The following MMP9 variants were observed in gnomAD, a reference collection of about 807,000 sequenced individuals.
The protein encoded by MMP9 is matrix metallopeptidase 9.
MMP9 carries 73 observed loss-of-function variants against 76.4 expected under a neutral mutation model. That is an observed-to-expected ratio of 0.96 (90% CI 0.79 to 1.16). MMP9 has a LOEUF of 1.16. Among genes scored for constraint, MMP9 ranks in the 50% most tolerant of loss-of-function variants. MMP9 has a pLI of 0.00. For missense variants in MMP9, 943 were observed against 973.0 expected (o/e 0.97, Z 0.41); for synonymous variants, 412 against 408.4 (o/e 1.01, Z -0.11).
chr20:46,016,126 G>A (rs2145458607), intron 12 of MMP9, 124 bp from the exon 13 acceptor site: 2 of 935,462 alleles, frequency 2.1e-6, no homozygotes, highest in East Asian at 4.8e-5. Flanking sequence ...GGATGGAGGT[G>A]ATATGTGAAA....
intron 6 of MMP9, 69 bp from the exon 7 acceptor site, chr20:46,012,068 G>T: frequency 6.3e-7 from 1 of 1,585,302 alleles, no homozygotes; most frequent in Non-Finnish European, 8.6e-7. Flanking sequence ...TTAGCTCCCT[G>T]TCGGGTCGGC....
rs1482177109 is a variant in MMP9, at chr20:46,011,364, T to C, written c.823+48T>C. On this transcript the variant is annotated intron_variant, in intron 5 of 12. Transcript: ENST00000372330. Reference sequence around the variant, plus strand: ...GGCTGGGGGCGCCCACCACCCTTGATGGTCCTGGGTTCTAATTCCAGCTCT... The same window carrying C: ...GGCTGGGGGCGCCCACCACCCTTGACGGTCCTGGGTTCTAATTCCAGCTCT... 5.0e-6 allele frequency: 8 copies of C among 1,589,054 alleles called. No homozygotes were observed. In the African/African-American group the frequency reaches 5.4e-5, roughly 11 times the overall value.
At position 46,008,978 on chromosome 20, in the gene MMP9, T is replaced by G. The variant is rs1389114921; in HGVS notation, c.52T>G (p.Phe18Val). 6.2e-7 allele frequency: 1 copy of G among 1,613,844 alleles called. No individual in the cohort carries two copies. The highest frequency in any genetic ancestry group is 8.5e-7 in the Non-Finnish European group (1 of 1,179,964). ...VLVLLVLGCC[F>V]AAPRQRQSTL... is the part of the protein sequence containing the mutation. ...GGTGCTCCTGGTGCTGGGCTGCTGCTTTGCTGCCCCCAGACAGCGCCAGTC... is the reference window on the plus strand; with the variant it reads ...GGTGCTCCTGGTGCTGGGCTGCTGCGTTGCTGCCCCCAGACAGCGCCAGTC... The change falls in exon 1 of 13, where the codon TTT becomes GTT. Residue 18 changes from phenylalanine to valine, a missense_variant. Phe to Val is a conservative substitution (Grantham distance 50). Coordinates refer to ENST00000372330, the MANE Select transcript of MMP9 (RefSeq NM_004994.3).
In MMP9 at chr20:46,013,582, G is replaced by C; in HGVS notation, c.1610+48G>C. The C allele has an allele frequency of 6.2e-7, 1 of 1,611,098 alleles. No homozygotes were observed. Among genetic ancestry groups the C allele is most frequent in the Non-Finnish European group, 8.5e-7 (1 of 1,178,068 alleles). On this transcript the variant is annotated intron_variant, in intron 9 of 12. Coordinates refer to ENST00000372330, the MANE Select transcript of MMP9 (RefSeq NM_004994.3). This position sits in a 1 kb window ranked among gnomAD's most constrained non-coding sequence, Gnocchi z 4.5. ...ATGCGGGAGGGGGCTTTGCGGAGGGGCTGCCCGTCCCTTCCCGCCCACTGG... is the reference window on the plus strand; with the variant it reads ...ATGCGGGAGGGGGCTTTGCGGAGGGCCTGCCCGTCCCTTCCCGCCCACTGG...
Position 46,013,807 on chromosome 20 carries a change from T to C in MMP9, c.1750+11T>C. ...TTTTCTTCTTCTCTGGTTAGTTACC[T>C]ACTTTCCCTCCCCCGCCCGGTCAAT... is the stretch of plus-strand genomic sequence containing the variant. On this transcript the variant is annotated intron_variant, in intron 10 of 12. Transcript: ENST00000372330. The surrounding 1 kb of genome is among the most constrained non-coding windows in gnomAD (Gnocchi z 4.5). The C allele has an allele frequency of 4.3e-6, 7 of 1,612,060 alleles. No homozygotes were observed. Among genetic ancestry groups the C allele is most frequent in the Non-Finnish European group, 5.9e-6 (7 of 1,179,872 alleles).
At chr20:46,009,750 CGAAAAA>C (rs1272565099) in intron 1 of MMP9, 110 bp from the exon 2 acceptor site, 6 of 943,952 alleles carry the variant, frequency 6.4e-6, no homozygotes, top group African/African-American at 1.6e-5. Flanking sequence ...ACCGTCTCTC[CGAAAAA>C]GAAAAAGAAA....
chr20:46,009,924 C>T lies in MMP9; in HGVS notation c.197C>T (p.Ser66Phe). 6.4e-7 allele frequency: 1 copy of T among 1,552,316 alleles called. No individual in the cohort carries two copies. Among genetic ancestry groups the T allele is most frequent in the East Asian group, 2.4e-5 (1 of 40,956 alleles). Reference protein sequence around the residue: ...RVAEMRGESKSLGPALLLLQK... With the variant: ...RVAEMRGESKFLGPALLLLQK... ...GCAGAGATGCGTGGAGAGTCGAAAT[C>T]TCTGGGGCCTGCGCTGCTGCTTCTC... The change falls in exon 2 of 13, where the codon TCT becomes TTT. Residue 66 changes from serine to phenylalanine, a missense_variant. By Grantham distance (155) the Ser-to-Phe change is radical. Coordinates refer to ENST00000372330, the MANE Select transcript of MMP9 (RefSeq NM_004994.3).
At chr20:46,010,119 C>G in intron 2 of MMP9, 21 bp downstream of exon 2, 1 of 1,519,034 alleles carries the variant, frequency 6.6e-7, no homozygotes, top group Non-Finnish European at 8.9e-7. Flanking sequence ...GCCGTGGGGG[C>G]AGCGGGGTGG....
In MMP9 at chr20:46,012,602, GGGA is replaced by G. The variant is rs774060347; in HGVS notation, c.1330+29_1330+31del. 15 of 1,612,650 alleles carry G rather than the reference GGGA, an allele frequency of 9.3e-6. No individual in the cohort carries two copies. The highest frequency in any genetic ancestry group is 2.2e-5 in the East Asian group (1 of 44,874). Reference sequence around the variant, plus strand: ...TCTATGGTGAGGCAGGGGCAGGGATGGGAGGAGGAGGGGAAAGGGCGTGGCTGT... The same window carrying G: ...TCTATGGTGAGGCAGGGGCAGGGATGGGAGGAGGGGAAAGGGCGTGGCTGT... On this transcript the variant is annotated intron_variant, in intron 8 of 12. Coordinates refer to ENST00000372330, the MANE Select transcript of MMP9 (RefSeq NM_004994.3).
At position 46,016,285 on chromosome 20, in the gene MMP9, C is replaced by A; in HGVS notation, c.2041C>A (p.Arg681Ser). 6.2e-7 allele frequency: 1 copy of A among 1,614,228 alleles called. No individual in the cohort carries two copies. The highest frequency in any genetic ancestry group is 8.5e-7 in the Non-Finnish European group (1 of 1,180,042). The change falls in exon 13 of 13, where the codon CGC (arginine) becomes AGC (serine). Residue 681 changes from arginine to serine, a missense_variant. Arg to Ser is a moderately radical substitution (Grantham distance 110, BLOSUM62 -1). Transcript: ENST00000372330. ...TTTCTGCCAGGACCGCTTCTACTGGCGCGTGAGTTCCCGGAGTGAGTTGAA... is the reference window on the plus strand; with the variant it reads ...TTTCTGCCAGGACCGCTTCTACTGGAGCGTGAGTTCCCGGAGTGAGTTGAA... ...AYFCQDRFYWRVSSRSELNQV... is the reference protein window; with the variant it reads ...AYFCQDRFYWSVSSRSELNQV...
intron 6 of MMP9, 34 bp from the exon 7 acceptor site, chr20:46,012,103 C>G (rs897686192): frequency 6.2e-7 from 1 of 1,610,586 alleles, no homozygotes. Flanking sequence ...TGGACTCATC[C>G]ATCTGGCTCA....
intron 11 of MMP9, 42 bp downstream of exon 11, chr20:46,014,316 C>T (rs891320306): frequency 2.0e-6 from 3 of 1,538,314 alleles, no homozygotes; most frequent in Non-Finnish European, 2.6e-6. Flanking sequence ...GCCCGGGCGC[C>T]GTCGGTCCGT....
In MMP9 at chr20:46,012,539, C is replaced by T; in HGVS notation, c.1287C>T (p.Pro429=). ...MYPMYRFTEG[P]PLHKDDVNGI... ...CTATGTACCGCTTCACTGAGGGGCC[C>T]CCCTTGCATAAGGACGACGTGAATG... The change falls in exon 8 of 13, where the codon CCC becomes CCT. Residue 429 remains proline (P), a synonymous_variant. Transcript: ENST00000372330. The T allele has an allele frequency of 1.2e-6, 2 of 1,614,072 alleles. No individual in the cohort carries two copies. Among genetic ancestry groups the T allele is most frequent in the Non-Finnish European group, 1.7e-6 (2 of 1,180,040 alleles).
chr20:46,012,422 T>G lies in MMP9; in HGVS notation c.1175-5T>G, dbSNP rs1204875290. 2.5e-6 allele frequency: 4 copies of G among 1,614,022 alleles called. No individual in the cohort carries two copies. Among genetic ancestry groups the G allele is most frequent in the Non-Finnish European group, 3.4e-6 (4 of 1,179,934 alleles). On this transcript the variant is annotated splice_polypyrimidine_tract_variant and splice_region_variant and intron_variant, in intron 7 of 12. Coordinates refer to ENST00000372330, the MANE Select transcript of MMP9 (RefSeq NM_004994.3). ...GCTCACGTCTCAGGCTCCCTCTCCC[T>G]CCAGGATACAGTTTGTTCCTCGTGG...
At chr20:46,010,337 A>AAAAAAAC in intron 2 of MMP9, 146 bp from the exon 3 acceptor site, 1 of 898,478 alleles carries the variant, frequency 1.1e-6, no homozygotes, top group Non-Finnish European at 1.7e-6. Context: ...AAAAAAAAAA[A>AAAAAAAC]AAAACAGTCT....
At chr20:46,009,815 G>A (rs369950965) in intron 1 of MMP9, 51 bp from the exon 2 acceptor site, 1 of 1,495,482 alleles carries the variant, frequency 6.7e-7, no homozygotes, top group Non-Finnish European at 9.1e-7. Flanking sequence ...GCCCCAGCTG[G>A]GCAGAGAAAG....
chr20:46,012,303 C>T lies in MMP9; in HGVS notation c.1164C>T (p.Cys388=), dbSNP rs1271266569. 11 of 1,613,364 alleles carry T rather than the reference C, an allele frequency of 6.8e-6. No individual in the cohort carries two copies. The highest frequency in any genetic ancestry group is 1.7e-5 in the Admixed American group (1 of 60,032). The change falls in exon 7 of 13, where the codon TGC becomes TGT. Residue 388 remains cysteine (C), a synonymous_variant. Transcript: ENST00000372330. ...NFDSDKKWGF[C]PDQGYSLFLV... is the part of the protein sequence containing the mutation. Reference sequence around the variant, plus strand: ...ACAGCGACAAGAAGTGGGGCTTCTGCCCGGACCAAGGTAGGCGTGGTCCCG... The same window carrying T: ...ACAGCGACAAGAAGTGGGGCTTCTGTCCGGACCAAGGTAGGCGTGGTCCCG...
rs769316745 is a variant in MMP9, at chr20:46,010,668, GC to G, written c.520+38del. On this transcript the variant is annotated intron_variant, in intron 3 of 12. Coordinates refer to ENST00000372330, the MANE Select transcript of MMP9 (RefSeq NM_004994.3). ...AGGAGGGAAAATCCAAGAGACCTGG[GC>G]GGGGTCAGGGAAGGGAGGACCACGG... is the stretch of plus-strand genomic sequence containing the variant. 19 of 1,597,000 alleles carry G rather than the reference GC, an allele frequency of 1.2e-5. No individual in the cohort carries two copies. The East Asian group carries it at 2.3e-4, about 19-fold the overall frequency.
chr20:46,014,590 C>A, intron 12 of MMP9, 116 bp downstream of exon 12: 1 of 1,095,048 alleles, frequency 9.1e-7, no homozygotes, highest in Non-Finnish European at 1.3e-6. Flanking sequence ...TGCCCCAGCA[C>A]AGACAAGATC....
Sources: allele counts gnomAD v4.1 joint callset, GRCh38; gene constraint gnomAD v4.1.1; non-coding constraint Gnocchi (gnomAD v3.1); transcripts MANE v1.5; gene names NCBI Gene and HGNC (gene_info 2026-07-23, HGNC 2026-07-21).